Variants in HEATR5A observed in about 807,000 individuals in gnomAD.
HEATR5A encodes the protein HEAT repeat containing 5A.
Under a neutral mutation model 218.8 loss-of-function variants are expected in HEATR5A, and 178 were observed. The ratio of observed to expected loss-of-function variants is 0.81; its 90% confidence interval spans 0.72 to 0.92. The LOEUF is 0.92. Ranked by LOEUF, HEATR5A falls within the 40% of genes least tolerant of loss-of-function variation. The probability of loss-of-function intolerance (pLI) is 0.00; values close to 1 mark genes in which losing one functional copy is unlikely to be tolerated. For missense variants in HEATR5A, 2,420 were observed against 2,418.9 expected, an observed-to-expected ratio of 1.00 and a Z score of -0.01; for synonymous variants, 864 against 871.6, an observed-to-expected ratio of 0.99 and a Z score of 0.15.
Position 31,302,508 on chromosome 14 carries a change from T to G in HEATR5A, c.5251A>C (p.Ile1751Leu), listed in dbSNP as rs750524685. The change falls in exon 33 of 36, where the codon ATT (isoleucine) becomes CTT (leucine). Residue 1751 changes from isoleucine to leucine, a missense_variant. By Grantham distance (5) the Ile-to-Leu change is conservative. Transcript: ENST00000543095. ...AVCSPEGSIS[I>L]LPTILYLTIG... ...GTGAGGTACAATATAGTAGGGAGAATTGAGATGCTTCCTGTAAGATACATT... is the reference window on the plus strand; with the variant it reads ...GTGAGGTACAATATAGTAGGGAGAAGTGAGATGCTTCCTGTAAGATACATT... The G allele has an allele frequency of 6.4e-7, 1 of 1,570,140 alleles. No homozygotes were observed. Among genetic ancestry groups the G allele is most frequent in the Non-Finnish European group, 8.7e-7 (1 of 1,155,020 alleles).
At chr14:31,351,855 T>A (rs1198400199) in intron 16 of HEATR5A, among the ~76,000 whole-genome samples, 1 of 151,954 alleles carries the variant, frequency 6.6e-6, no homozygotes, top group Non-Finnish European at 1.5e-5. Flanking sequence ...GCTCAAGCGA[T>A]CCTCCAGCCT....
chr14:31,413,062 A>T (rs1424916713), intron 1 of HEATR5A, among the ~76,000 whole-genome samples: 1 of 152,206 alleles, frequency 6.6e-6, no homozygotes, highest in East Asian at 1.9e-4. Flanking sequence ...GACGAACCCC[A>T]GGCACGGCAC....
intron 21 of HEATR5A, among the ~76,000 whole-genome samples, chr14:31,342,160 G>A (rs908220467): frequency 2.6e-5 from 4 of 152,160 alleles, no homozygotes; most frequent in African/African-American, 9.7e-5. Flanking sequence ...GCTGAGGCAG[G>A]AGGATGGCTT....
chr14:31,363,008 G>A (rs1235122462), intron 14 of HEATR5A, among the ~76,000 whole-genome samples: 1 of 151,852 alleles, frequency 6.6e-6, no homozygotes. Flanking sequence ...AGGCTGAGGA[G>A]GATGGATCAT....
chr14:31,332,611 A>C (rs1052805382), intron 22 of HEATR5A, among the ~76,000 whole-genome samples: 2 of 152,204 alleles, frequency 1.3e-5, no homozygotes, highest in African/African-American at 4.8e-5. Context: ...TTCTTGAAGG[A>C]AATTTAAAAG....
chr14:31,357,764 T>C (rs577649373), intron 16 of HEATR5A, among the ~76,000 whole-genome samples: 1 of 152,356 alleles, frequency 6.6e-6, no homozygotes, highest in African/African-American at 2.4e-5. Context: ...TACAACATGA[T>C]GTTTTTAACG....
chr14:31,302,938 CAAAAAA>C (rs747481722), intron 32 of HEATR5A, among the ~76,000 whole-genome samples: 6 of 102,200 alleles, frequency 5.9e-5, no homozygotes, highest in African/African-American at 2.5e-4. Context: ...TTCATCTTTA[CAAAAAA>C]AAAAAAAAAA....
rs778469589 is a variant in HEATR5A at position 31,293,367 on chromosome 14, A to C, written c.6079T>G (p.Ser2027Ala). 1.9e-6 allele frequency: 3 copies of C among 1,613,658 alleles called. No homozygotes were observed. The South Asian group carries it at 3.3e-5, about 18-fold the overall frequency. The change falls in exon 36 of 36, where the codon TCT (serine) becomes GCT (alanine). Residue 2027 changes from serine (S) to alanine (A), a missense_variant. Transcript: ENST00000543095. ...QESVKVKIPT[S>A]KYTKSPGKNS... is the part of the protein sequence containing the mutation. ...TTTCCAGGACTCTTAGTATATTTAG[A>C]TGTTGGTATCTTGACTTTGACACTT...
chr14:31,348,257 T>C (rs1396597281), intron 18 of HEATR5A, among the ~76,000 whole-genome samples: 2 of 152,168 alleles, frequency 1.3e-5, no homozygotes, highest in East Asian at 1.9e-4. Flanking sequence ...TTTAATTTCA[T>C]AGAGTTTCAA....
chr14:31,355,718 A>C (rs1322874458), intron 16 of HEATR5A, among the ~76,000 whole-genome samples: 3 of 152,210 alleles, frequency 2.0e-5, no homozygotes, highest in Admixed American at 2.0e-4. Context: ...CAAAGAAAAA[A>C]AAAGTAACCA....
At chr14:31,370,533 G>A (rs1240865446) in intron 13 of HEATR5A, among the ~76,000 whole-genome samples, 3 of 152,044 alleles carry the variant, frequency 2.0e-5, no homozygotes, top group South Asian at 4.1e-4. Flanking sequence ...AAAATAATTT[G>A]GTTTATTTTC....
chr14:31,397,658 CAA>C (rs537734132), intron 4 of HEATR5A, among the ~76,000 whole-genome samples: 123 of 75,700 alleles, frequency 1.6e-3, no homozygotes, highest in African/African-American at 3.7e-3. Context: ...GACTCCGTCT[CAA>C]AAAAAAAAAA....
At chr14:31,360,303 T>C (rs563176076) in intron 14 of HEATR5A, among the ~76,000 whole-genome samples, 1 of 152,318 alleles carries the variant, frequency 6.6e-6, no homozygotes, top group East Asian at 1.9e-4. Flanking sequence ...TTTATGATTA[T>C]AGGCCCCTGG....
At chr14:31,388,380 A>G (rs1566778801) in intron 7 of HEATR5A, among the ~76,000 whole-genome samples, 1 of 152,232 alleles carries the variant, frequency 6.6e-6, no homozygotes, top group Admixed American at 6.5e-5. Flanking sequence ...CCAAGAGTTT[A>G]CCTTTTAAAA....
chr14:31,402,701 AC>A (rs1227974529), intron 2 of HEATR5A, 148 bp downstream of exon 2: 13 of 654,394 alleles, frequency 2.0e-5, no homozygotes, highest in Non-Finnish European at 2.6e-5. Flanking sequence ...TGATGAGGGA[AC>A]AAAAAATGTA....
Position 31,309,078 on chromosome 14 carries a change from C to A in HEATR5A, c.4546G>T (p.Gly1516Cys). 6.2e-7 allele frequency: 1 copy of A among 1,613,928 alleles called. No homozygotes were observed. The highest frequency in any genetic ancestry group is 1.3e-5 in the African/African-American group (1 of 75,036). Reference protein sequence around the residue: ...HATALWLTSTGFVVADPDEGA... With the variant: ...HATALWLTSTCFVVADPDEGA... ...TCATCTGGGTCAGCAACAACAAAAC[C>A]CGTGCTTGTAAGCCACAATGCTGTA... is the stretch of plus-strand genomic sequence containing the variant. Residue 1516 changes from glycine to cysteine, a missense_variant, in exon 29 of 36, where the codon GGT (glycine) becomes TGT (cysteine). Transcript: ENST00000543095.
chr14:31,349,784 C>T lies in HEATR5A; in HGVS notation c.2708+5G>A. The T allele has an allele frequency of 6.2e-7, 1 of 1,601,404 alleles. No homozygotes were observed. The highest frequency in any genetic ancestry group is 1.1e-5 in the South Asian group (1 of 90,252). On this transcript the variant is annotated splice_donor_5th_base_variant and intron_variant, in intron 18 of 35. Transcript: ENST00000543095. ...CTCTGAATATTAAATAAGAAATTCACTTACTTGTCAAAGCTAACTTGAGCT... is the reference window on the plus strand; with the variant it reads ...CTCTGAATATTAAATAAGAAATTCATTTACTTGTCAAAGCTAACTTGAGCT...
chr14:31,316,026 G>T, intron 26 of HEATR5A, 77 bp from the exon 27 acceptor site: 1 of 1,171,068 alleles, frequency 8.5e-7, no homozygotes, highest in Non-Finnish European at 1.2e-6. Context: ...GCTCATGCCT[G>T]TAATCCCAGC....
intron 5 of HEATR5A, among the ~76,000 whole-genome samples, chr14:31,394,507 GAAT>G (rs2030572520): frequency 6.6e-6 from 1 of 152,030 alleles, no homozygotes; most frequent in Non-Finnish European, 1.5e-5. Context: ...ACAACTGGGA[GAAT>G]AATTCCAACA....
Sources: allele counts gnomAD v4.1 joint callset (sites outside exome capture counted in the v4.1 genomes callset), GRCh38; gene constraint gnomAD v4.1.1; transcripts MANE v1.5; gene names NCBI Gene and HGNC (gene_info 2026-07-23, HGNC 2026-07-21).